Variants in FMNL3 observed in about 807,000 individuals in gnomAD.
FMNL3 encodes formin-like protein 3.
In FMNL3, 57 loss-of-function variants were observed where a neutral mutation model predicts 119.6. The ratio of observed to expected loss-of-function variants is 0.48; its 90% confidence interval spans 0.39 to 0.59. The LOEUF is 0.59. Among genes scored for constraint, FMNL3 ranks in the 20% least tolerant of loss-of-function variants. The pLI is 0.00. For missense variants in FMNL3, 1,053 were observed against 1,323.5 expected, an observed-to-expected ratio of 0.80 and a Z score of 3.17; for synonymous variants, 491 against 507.3, an observed-to-expected ratio of 0.97 and a Z score of 0.43.
chr12:49,679,580 G>T (rs1944284360), intron 1 of FMNL3, among the ~76,000 whole-genome samples: 1 of 140,326 alleles, frequency 7.1e-6, no homozygotes. Context: ...AGGCTGGAGT[G>T]CAGTGGCAAG....
chr12:49,654,244 C>T lies in FMNL3; in HGVS notation c.1019G>A (p.Arg340Gln). Residue 340 changes from arginine to glutamine, a missense_variant, in exon 11 of 26, where the codon CGG becomes CAG. This residue lies in a region of FMNL3 where 445 missense variants were observed against 628.4 expected (regional missense o/e 0.71). Transcript: ENST00000335154. ...VVHSVEDMNFRVHLQYEFTKL... is the reference protein window; with the variant it reads ...VVHSVEDMNFQVHLQYEFTKL... ...GGTAAACTCATACTGCAGGTGGACCCGGAAGTTCATGTCCTCCACCGAGTG... is the reference window on the plus strand; with the variant it reads ...GGTAAACTCATACTGCAGGTGGACCTGGAAGTTCATGTCCTCCACCGAGTG... 6.2e-7 allele frequency: 1 copy of T among 1,614,040 alleles called. No individual in the cohort carries two copies. The highest frequency in any genetic ancestry group is 8.5e-7 in the Non-Finnish European group (1 of 1,180,018).
intron 6 of FMNL3, 76 bp from the exon 7 acceptor site, chr12:49,657,266 G>C: frequency 8.5e-7 from 1 of 1,170,494 alleles, no homozygotes; most frequent in Non-Finnish European, 1.3e-6. Flanking sequence ...ACCATCACCC[G>C]GACAGCAGGC....
rs373821492 is a variant in FMNL3 at position 49,654,996 on chromosome 12, A to G, written c.886-12T>C. On this transcript the variant is annotated splice_polypyrimidine_tract_variant and intron_variant, in intron 9 of 25. Transcript: ENST00000335154. ...AGCTCCTTGCATACCTGAATGAGCAAACTTTCTCAGTGAAAGGATCTGCTC... is the reference window on the plus strand; with the variant it reads ...AGCTCCTTGCATACCTGAATGAGCAGACTTTCTCAGTGAAAGGATCTGCTC... 2.5e-5 allele frequency: 40 copies of G among 1,613,434 alleles called. No homozygotes were observed. Among genetic ancestry groups the G allele is most frequent in the South Asian group, 1.8e-4 (16 of 91,042 alleles).
At chr12:49,655,089 A>G in intron 9 of FMNL3, 105 bp from the exon 10 acceptor site, 2 of 1,006,194 alleles carry the variant, frequency 2.0e-6, no homozygotes, top group Middle Eastern at 2.2e-4. Context: ...GTTCAGACCA[A>G]GCTTAACCAC....
chr12:49,647,861 A>G lies in FMNL3; in HGVS notation c.2677-57T>C. ...TGGCAGGAAGATCAGCCCAGCTCCC[A>G]CACCACGGATGAGAGGCCTGCAGAA... On this transcript the variant is annotated intron_variant, in intron 22 of 25. Transcript: ENST00000335154. The surrounding 1 kb of genome is among the most constrained non-coding windows in gnomAD (Gnocchi z 4.9). The G allele has an allele frequency of 7.3e-7, 1 of 1,372,796 alleles. No homozygotes were observed. The highest frequency in any genetic ancestry group is 2.3e-5 in the East Asian group (1 of 43,476). 85.0% of individuals were successfully genotyped at this position (1,372,796 alleles called of 1,614,324 possible). A position where few individuals can be genotyped will look rare whatever the true frequency, so the allele number is the denominator to read the frequency against.
chr12:49,642,536 C>A lies in FMNL3; in HGVS notation c.*3279G>T. 1 of 1,607,970 alleles carries A rather than the reference C, an allele frequency of 6.2e-7. No homozygotes were observed. Among genetic ancestry groups the A allele is most frequent in the Non-Finnish European group, 8.5e-7 (1 of 1,174,810 alleles). The stretch of plus-strand genomic sequence containing the variant: ...TGCTCATGGCGGTGTCCAGGCCAGG[C>A]TGAGTGGGGCCTAGTCTGATCAGCA... On this transcript the variant is annotated 3_prime_UTR_variant, in exon 26 of 26. Transcript: ENST00000335154. This position sits in a 1 kb window ranked among gnomAD's most constrained non-coding sequence, Gnocchi z 5.8.
chr12:49,661,456 GC>G (rs902751234), intron 5 of FMNL3, among the ~76,000 whole-genome samples: 13 of 151,786 alleles, frequency 8.6e-5, no homozygotes, highest in Non-Finnish European at 1.8e-4. Flanking sequence ...CTGCCTCCAA[GC>G]CCCCCTGCCT....
intron 13 of FMNL3, 111 bp downstream of exon 13, chr12:49,653,115 A>G (rs1208222908): frequency 9.9e-7 from 1 of 1,006,382 alleles, no homozygotes; most frequent in Non-Finnish European, 1.5e-6. Context: ...TCAAGGGTGA[A>G]TCAAGATCTA....
Position 49,642,089 on chromosome 12 carries a change from A to G in FMNL3, c.*3726T>C. ...TCTGTGTCTTGCTCCATTCCTTCTC[A>G]CTCACTGTCCCACTGACTATATTCC... On this transcript the variant is annotated 3_prime_UTR_variant, in exon 26 of 26. Transcript: ENST00000335154. This position sits in a 1 kb window ranked among gnomAD's most constrained non-coding sequence, Gnocchi z 5.8. 1 of 1,603,598 alleles carries G rather than the reference A, an allele frequency of 6.2e-7. No homozygotes were observed. The highest frequency in any genetic ancestry group is 8.5e-7 in the Non-Finnish European group (1 of 1,173,258).
At chr12:49,671,037 C>T (rs578224628) in intron 1 of FMNL3, among the ~76,000 whole-genome samples, 438 of 152,354 alleles carry the variant, frequency 2.9e-3, no homozygotes, top group Non-Finnish European at 5.2e-3. Flanking sequence ...TCTGTTGTCT[C>T]CCCTGGAAGA....
At chr12:49,673,641 C>T (rs1199866220) in intron 1 of FMNL3, among the ~76,000 whole-genome samples, 3 of 152,250 alleles carry the variant, frequency 2.0e-5, no homozygotes, top group Non-Finnish European at 2.9e-5. Context: ...GGCCCCTTGG[C>T]GGCCACAGCC....
At chr12:49,700,308 T>C (rs182753215) in intron 1 of FMNL3, among the ~76,000 whole-genome samples, 11 of 140,300 alleles carry the variant, frequency 7.8e-5, no homozygotes, top group Admixed American at 1.5e-4. Flanking sequence ...AGAAGAATGG[T>C]GTGAACCCGG....
chr12:49,664,108 C>T (rs890861585), intron 4 of FMNL3, among the ~76,000 whole-genome samples: 1 of 152,144 alleles, frequency 6.6e-6, no homozygotes, highest in Non-Finnish European at 1.5e-5. Flanking sequence ...ATTAGCTGGG[C>T]GTGGTGGTAC....
chr12:49,696,591 G>C (rs1015330593), intron 1 of FMNL3, among the ~76,000 whole-genome samples: 2 of 152,158 alleles, frequency 1.3e-5, no homozygotes, highest in African/African-American at 4.8e-5. Flanking sequence ...TCTGAAGTTG[G>C]TTGAATCCAC....
intron 1 of FMNL3, among the ~76,000 whole-genome samples, chr12:49,695,582 G>A (rs1166859341): frequency 6.6e-6 from 1 of 152,130 alleles, no homozygotes; most frequent in Non-Finnish European, 1.5e-5. Flanking sequence ...GTCAAAGTAC[G>A]CGGCATACAT....
intron 1 of FMNL3, among the ~76,000 whole-genome samples, chr12:49,695,093 C>G (rs905429106): frequency 1.2e-4 from 18 of 151,268 alleles, no homozygotes; most frequent in African/African-American, 4.1e-4. Context: ...CCCAGCTACT[C>G]CAAAGGATGA....
In FMNL3 at chr12:49,656,948, G is replaced by T. The variant is rs372657618; in HGVS notation, c.715-49C>A. 5.6e-5 allele frequency: 88 copies of T among 1,560,046 alleles called. No homozygotes were observed. The African/African-American group carries it at 1.1e-3, about 20-fold the overall frequency. The stretch of plus-strand genomic sequence containing the variant: ...GGGGACCTTGATGGTGGGGAAGGGG[G>T]AGCCCAGCCAATCTCCTTGACCGTA... On this transcript the variant is annotated intron_variant, in intron 7 of 25. Coordinates refer to ENST00000335154, the MANE Select transcript of FMNL3 (RefSeq NM_175736.5).
At position 49,661,952 on chromosome 12, in the gene FMNL3, G is replaced by GGGGTGGTA; in HGVS notation, c.452+6_452+13dup. 1 of 1,613,298 alleles carries GGGGTGGTA rather than the reference G, an allele frequency of 6.2e-7. No homozygotes were observed. The highest frequency in any genetic ancestry group is 1.1e-5 in the South Asian group (1 of 91,062). On this transcript the variant is annotated intron_variant, in intron 5 of 25. Transcript: ENST00000335154. Reference sequence around the variant, plus strand: ...CCAACTGGTCCCCAACTTCAGCCCCGGGGTGGTACTCACATGACAGAACAC... The same window carrying GGGGTGGTA: ...CCAACTGGTCCCCAACTTCAGCCCCGGGGTGGTAGGGTGGTACTCACATGACAGAACAC...
At chr12:49,692,319 T>C (rs1944628647) in intron 1 of FMNL3, among the ~76,000 whole-genome samples, 1 of 151,856 alleles carries the variant, frequency 6.6e-6, no homozygotes, top group African/African-American at 2.4e-5. Flanking sequence ...AAAAGAGACC[T>C]TGTCTCCAAA....
Sources: allele counts gnomAD v4.1 joint callset (sites outside exome capture counted in the v4.1 genomes callset), GRCh38; gene constraint gnomAD v4.1.1; regional missense constraint gnomAD v4.1.1; non-coding constraint Gnocchi (gnomAD v3.1); transcripts MANE v1.5; gene names NCBI Gene and HGNC (gene_info 2026-07-23, HGNC 2026-07-21).